Variants in CDCP2 observed in about 807,000 individuals in gnomAD.
CDCP2 encodes the protein CUB domain containing protein 2.
Under a neutral mutation model 31.0 loss-of-function variants are expected in CDCP2, and 31 were observed. The ratio of observed to expected loss-of-function variants is 1.00; its 90% CI spans 0.75 to 1.35. The LOEUF (loss-of-function observed/expected upper bound fraction) is 1.35. Among genes scored for constraint, CDCP2 ranks in the 40% most tolerant of loss-of-function variants. CDCP2 has a pLI of 0.00. For synonymous variants in CDCP2, 206 were observed against 207.9 expected, an observed-to-expected ratio of 0.99 and a Z score of 0.08; for missense variants, 443 against 482.6, an observed-to-expected ratio of 0.92 and a Z score of 0.77.
intron 2 of CDCP2, chr1:54,144,184 C>T: frequency 3.3e-6 from 1 of 307,290 alleles, no homozygotes; most frequent in Non-Finnish European, 6.0e-6. Flanking sequence ...CAGCTACAAG[C>T]ATGGTCATGA....
At chr1:54,149,181 T>C (rs1659531542) in intron 1 of CDCP2, among the ~76,000 whole-genome samples, 1 of 151,416 alleles carries the variant, frequency 6.6e-6, no homozygotes, top group African/African-American at 2.4e-5. Context: ...CAGTGAGCTA[T>C]GACCACAGCA....
chr1:54,139,448 C>A (rs774358497), intron 4 of CDCP2: 50 of 1,217,752 alleles, frequency 4.1e-5, no homozygotes, highest in Non-Finnish European at 5.4e-5. Context: ...TACAGGGGAC[C>A]AATAACAACA....
intron 4 of CDCP2, chr1:54,139,228 T>G: frequency 2.8e-6 from 1 of 351,272 alleles, no homozygotes; most frequent in Non-Finnish European, 5.2e-6. Context: ...GCTCAGAGAG[T>G]CCCAGAGATA....
exon 3 of CDCP2, chr1:54,141,153 G>C: frequency 1.3e-6 from 2 of 1,556,190 alleles, no homozygotes; most frequent in Non-Finnish European, 1.7e-6. Context: ...CGGACTTGAA[G>C]ACCACCTGCA....
At chr1:54,144,423 A>G in intron 2 of CDCP2, 43 bp downstream of exon 2, 2 of 1,492,042 alleles carry the variant, frequency 1.3e-6, no homozygotes, top group South Asian at 2.6e-5. Flanking sequence ...CCAGGATTAC[A>G]GGTGTGAGCC....
chr1:54,147,846 C>A (rs1659502261), intron 1 of CDCP2, among the ~76,000 whole-genome samples: 1 of 150,428 alleles, frequency 6.6e-6, no homozygotes, highest in African/African-American at 2.5e-5. Flanking sequence ...CCCATCTCTA[C>A]AAAAAAAATT....
chr1:54,140,135 G>A, intron 3 of CDCP2, 29 bp from the exon 4 acceptor site: 1 of 1,599,116 alleles, frequency 6.3e-7, no homozygotes, highest in Non-Finnish European at 8.6e-7. Flanking sequence ...GGTGGAAGGA[G>A]CAACAGTGAG....
exon 3 of CDCP2, chr1:54,141,395 G>C: frequency 6.2e-7 from 1 of 1,613,308 alleles, no homozygotes; most frequent in South Asian, 1.1e-5. Context: ...GGACTGGTGA[G>C]GACCCCTGAC....
chr1:54,133,593 G>A (rs902843833), intron 5 of CDCP2, among the ~76,000 whole-genome samples: 2 of 151,986 alleles, frequency 1.3e-5, no homozygotes, highest in African/African-American at 4.8e-5. Flanking sequence ...TTCTCTTATT[G>A]GTACCACTAA....
downstream of CDCP2, chr1:54,132,942 A>G: frequency 2.5e-6 from 1 of 398,758 alleles, no homozygotes. Context: ...CAGGCATGTC[A>G]GATGCCAGGT....
At chr1:54,139,606 G>T in intron 4 of CDCP2, 147 bp downstream of exon 4, 1 of 1,612,524 alleles carries the variant, frequency 6.2e-7, no homozygotes, top group Non-Finnish European at 8.5e-7. Context: ...AGTGGGCAAG[G>T]GTGTAGCCAA....
At position 54,133,891 on chromosome 1, in the gene CDCP2, A is replaced by G. The variant is rs572311201; in HGVS notation, c.1297-597T>C. Among the ~76,000 whole-genome samples, 211 of 151,900 alleles carry G rather than the reference A, an allele frequency of 1.4e-3. 1 individual carries two copies. Among genetic ancestry groups the G allele is most frequent in the African/African-American group, 4.7e-3 (194 of 41,428 alleles). ...AGCCTGTGGGACAGAGTGAGACTCC[A>G]TCTCAAAAACAAACAAACAAACAAA... is the stretch of plus-strand genomic sequence containing the variant. On this transcript the variant is annotated intron_variant, in intron 5 of 5. Transcript: ENST00000530059.
chr1:54,144,293 G>A (rs1570066792), intron 2 of CDCP2, 173 bp downstream of exon 2: 2 of 605,744 alleles, frequency 3.3e-6, no homozygotes, highest in Admixed American at 3.1e-5. Flanking sequence ...GACCCTGTAG[G>A]TCTCACCTGA....
At chr1:54,141,210 G>A (rs2100424262) in exon 3 of CDCP2, 2 of 1,612,266 alleles carry the variant, frequency 1.2e-6, no homozygotes, top group Non-Finnish European at 1.7e-6. Flanking sequence ...TGCTGCCACA[G>A]TAGTGGTGCC....
At position 54,144,449 on chromosome 1, in the gene CDCP2, T is replaced by C; in HGVS notation, c.427+17A>G. ...GGTGTGAGCCACTGCAACAGGTCCC[T>C]AAGGCCCCCCGTTGACCTTTCTGGT... On this transcript the variant is annotated intron_variant, in intron 2 of 5. Coordinates refer to ENST00000530059, the Ensembl canonical transcript of CDCP2. 1 of 1,552,566 alleles carries C rather than the reference T, an allele frequency of 6.4e-7. No homozygotes were observed. Among genetic ancestry groups the C allele is most frequent in the Non-Finnish European group, 8.7e-7 (1 of 1,146,754 alleles).
exon 2 of CDCP2, chr1:54,144,747 A>G: frequency 1.2e-6 from 2 of 1,614,190 alleles, no homozygotes; most frequent in South Asian, 1.1e-5. Flanking sequence ...GTAGGGGTAC[A>G]GTCTAGGGAA....
In CDCP2 at chr1:54,139,833, G is replaced by A. The variant is rs368333948; in HGVS notation, c.1037C>T (p.Ser346Leu). ...CAGAAGCAGAAGCTGGTTGTGGCTT[G>A]AGGTCACGGGTGGTGGCAGGTGGTG... is the stretch of plus-strand genomic sequence containing the variant. The change falls in exon 4 of 6, where the codon TCA becomes TTA. Residue 346 changes from serine (S) to leucine (L), a missense_variant. Coordinates refer to ENST00000530059, the Ensembl canonical transcript of CDCP2. 5.6e-6 allele frequency: 9 copies of A among 1,612,994 alleles called. No individual in the cohort carries two copies. The South Asian group carries it at 6.6e-5, about 12-fold the overall frequency.
At chr1:54,148,057 G>C (rs1452747432) in intron 1 of CDCP2, among the ~76,000 whole-genome samples, 1 of 151,568 alleles carries the variant, frequency 6.6e-6, no homozygotes, top group Non-Finnish European at 1.5e-5. Context: ...TACTTTCCAA[G>C]CCTTAATGAA....
intron 3 of CDCP2, chr1:54,140,310 A>G: frequency 1.7e-6 from 1 of 597,446 alleles, no homozygotes; most frequent in Middle Eastern, 4.5e-4. Flanking sequence ...TTAAACTGCA[A>G]CTAGCTGAAA....
Sources: gnomAD v4.1 joint callset for allele counts (sites outside exome capture counted in the v4.1 genomes callset) on GRCh38, gnomAD v4.1.1 for gene constraint, MANE v1.5 for transcripts, NCBI Gene and HGNC (gene_info 2026-07-23, HGNC 2026-07-21) for gene names.